BACH2: variants seen among roughly 807,000 people sequenced by gnomAD.
The protein encoded by BACH2 is BACH transcriptional regulator 2.
In BACH2, 5 loss-of-function variants were observed where a neutral mutation model predicts 61.8. The ratio of observed to expected loss-of-function variants is 0.08; its 90% CI spans 0.04 to 0.17. The LOEUF (loss-of-function observed/expected upper bound fraction) is 0.17, where lower values mean the gene tolerates loss of function less well. Ranked by LOEUF, BACH2 falls within the 10% of genes least tolerant of loss-of-function variation. The probability of loss-of-function intolerance (pLI) is 1.00; values close to 1 mark genes in which losing one functional copy is unlikely to be tolerated. For missense variants in BACH2, 824 were observed against 1,091.1 expected (o/e 0.76, Z 3.45); for synonymous variants, 446 against 440.1 (o/e 1.01, Z -0.17).
chr6:90,095,779 T>TCCACCACCA (rs34597953), intron 4 of BACH2, among the ~76,000 whole-genome samples: 4 of 151,434 alleles, frequency 2.6e-5, no homozygotes, highest in Non-Finnish European at 5.9e-5. Context: ...CATCATCATC[T>TCCACCACCA]CCACCACCAC....
intron 3 of BACH2, among the ~76,000 whole-genome samples, chr6:90,235,578 C>T (rs570874654): frequency 6.6e-6 from 1 of 152,140 alleles, no homozygotes; most frequent in African/African-American, 2.4e-5. Context: ...TCCCAGCTAC[C>T]TGGGAGGTGG....
intron 2 of BACH2, among the ~76,000 whole-genome samples, chr6:90,257,168 A>T (rs925446333): frequency 6.6e-6 from 1 of 152,204 alleles, no homozygotes; most frequent in South Asian, 2.1e-4. Flanking sequence ...GTTATTGTGA[A>T]TCATGCTGCA....
intron 6 of BACH2, among the ~76,000 whole-genome samples, chr6:89,991,322 T>G (rs907697003): frequency 6.6e-6 from 1 of 152,224 alleles, no homozygotes; most frequent in African/African-American, 2.4e-5. Context: ...GGAAGAATCA[T>G]ATATCCACCT....
At chr6:90,108,387 G>A (rs1026097434) in intron 4 of BACH2, among the ~76,000 whole-genome samples, 2 of 152,146 alleles carry the variant, frequency 1.3e-5, no homozygotes, top group South Asian at 2.1e-4. Context: ...CTCAAAAGGC[G>A]AAAAGAGACA....
intron 4 of BACH2, among the ~76,000 whole-genome samples, chr6:90,162,058 A>G (rs940684691): frequency 6.6e-6 from 1 of 152,040 alleles, no homozygotes; most frequent in South Asian, 2.1e-4. Context: ...TGCTCCAGAG[A>G]ATGTCTTCAG....
intron 4 of BACH2, among the ~76,000 whole-genome samples, chr6:90,202,735 A>C (rs1354595808): frequency 2.0e-5 from 3 of 152,368 alleles, no homozygotes; most frequent in East Asian, 3.9e-4. Context: ...TTCATAAAAA[A>C]CAATGACCAT....
chr6:90,088,807 T>C (rs1782035688), intron 5 of BACH2, among the ~76,000 whole-genome samples, 154 bp downstream of exon 5: 1 of 151,962 alleles, frequency 6.6e-6, no homozygotes, highest in South Asian at 2.1e-4. Context: ...GAACCACCAA[T>C]ATACAGATTC....
At chr6:89,942,053 C>T (rs555829084) in intron 7 of BACH2, among the ~76,000 whole-genome samples, 401 of 151,648 alleles carry the variant, frequency 2.6e-3, no homozygotes, top group African/African-American at 9.2e-3. Flanking sequence ...GGTAATGGGT[C>T]AACTATAGAC....
rs75779177 is a variant in BACH2 at position 90,168,643 on chromosome 6, T to C, written c.-162+37926A>G. On this transcript the variant is annotated intron_variant, in intron 4 of 8. Transcript: ENST00000257749. ...CCTCCAGGCCCAAACAAATACCTAA[T>C]AGAGCTGTCTGTTAAGTAGTTAGAT... is the stretch of plus-strand genomic sequence containing the variant. 9.9e-3 allele frequency among the ~76,000 whole-genome samples: 1,514 copies of C among 152,242 alleles called. 22 individuals are homozygous for C. Among genetic ancestry groups the C allele is most frequent in the African/African-American group, 0.028 (1,162 of 41,532 alleles).
At chr6:90,223,403 C>A (rs1769806725) in intron 3 of BACH2, among the ~76,000 whole-genome samples, 2 of 152,130 alleles carry the variant, frequency 1.3e-5, no homozygotes, top group African/African-American at 2.4e-5. Context: ...TAACTTAGAA[C>A]TGTTTCATAT....
chr6:90,047,282 G>T (rs1016581709), intron 5 of BACH2, among the ~76,000 whole-genome samples: 1 of 152,160 alleles, frequency 6.6e-6, no homozygotes, highest in Non-Finnish European at 1.5e-5. Flanking sequence ...TATCAGGGAT[G>T]GGGGGCAGAG....
intron 5 of BACH2, among the ~76,000 whole-genome samples, chr6:90,046,157 G>A (rs189920419): frequency 2.8e-3 from 421 of 152,290 alleles, no homozygotes; most frequent in Non-Finnish European, 4.4e-3. Context: ...GCCAATGAGA[G>A]CTCTGGATAC....
At chr6:90,134,148 T>A (rs1162461152) in intron 4 of BACH2, among the ~76,000 whole-genome samples, 1 of 152,134 alleles carries the variant, frequency 6.6e-6, no homozygotes, top group African/African-American at 2.4e-5. Context: ...TAGTTTACAG[T>A]CCCACCAACA....
chr6:89,940,838 T>C (rs1275761016), intron 7 of BACH2, among the ~76,000 whole-genome samples: 1 of 143,182 alleles, frequency 7.0e-6, no homozygotes, highest in African/African-American at 2.6e-5. Context: ...TAATTATTAA[T>C]GAGATAGTTT....
intron 4 of BACH2, among the ~76,000 whole-genome samples, chr6:90,170,076 T>C (rs1382084479): frequency 1.3e-5 from 2 of 150,780 alleles, no homozygotes; most frequent in South Asian, 2.1e-4. Context: ...TATAAAACAC[T>C]TTTTTTTTCT....
intron 4 of BACH2, among the ~76,000 whole-genome samples, chr6:90,155,008 G>A (rs1267000104): frequency 2.0e-5 from 3 of 152,178 alleles, no homozygotes. Flanking sequence ...AGGAGAAGGG[G>A]CACTGCAAAG....
At chr6:89,947,823 G>T (rs922762555) in intron 7 of BACH2, among the ~76,000 whole-genome samples, 1 of 151,848 alleles carries the variant, frequency 6.6e-6, no homozygotes, top group Non-Finnish European at 1.5e-5. Flanking sequence ...CGCCCGCCTC[G>T]GCCTCCCAAA....
chr6:90,092,291 A>AAAAAAAATATATATATATATATAT, intron 4 of BACH2, among the ~76,000 whole-genome samples: 3 of 113,842 alleles, frequency 2.6e-5, no homozygotes, highest in Admixed American at 8.6e-5. Context: ...AAAAAAAAAA[A>AAAAAAAATATATATATATATATAT]ATATATATAT....
chr6:90,200,540 C>G (rs1768922091), intron 4 of BACH2, among the ~76,000 whole-genome samples: 1 of 152,116 alleles, frequency 6.6e-6, no homozygotes, highest in Non-Finnish European at 1.5e-5. Context: ...TGACCACTCT[C>G]TGTTTTCTAT....
Sources: allele counts gnomAD v4.1 joint callset (sites outside exome capture counted in the v4.1 genomes callset), GRCh38; gene constraint gnomAD v4.1.1; transcripts MANE v1.5; gene names NCBI Gene and HGNC (gene_info 2026-07-23, HGNC 2026-07-21).